DNAAF5: variants seen among roughly 807,000 people sequenced by gnomAD.
DNAAF5 encodes HEAT repeat containing 2.
DNAAF5 carries 64 observed loss-of-function variants against 75.8 expected under a neutral mutation model. The observed-to-expected ratio is 0.84, with a 90% CI of 0.69 to 1.04. The LOEUF is 1.04. Among genes scored for constraint, DNAAF5 ranks in the 50% least tolerant of loss-of-function variants. The pLI, the probability that DNAAF5 is intolerant of heterozygous loss-of-function variation, is 0.00. For missense variants in DNAAF5, 1,269 were observed against 1,178.5 expected, an observed-to-expected ratio of 1.08 and a Z score of -1.12; for synonymous variants, 657 against 557.2, an observed-to-expected ratio of 1.18 and a Z score of -2.52.
At chr7:764,828 T>A (rs1782771567) in intron 8 of DNAAF5, among the ~76,000 whole-genome samples, 1 of 152,156 alleles carries the variant, frequency 6.6e-6, no homozygotes, top group African/African-American at 2.4e-5. Context: ...CCCAGCACTT[T>A]GGGAGGCTGA....
In DNAAF5 at chr7:785,769, T is replaced by G; in HGVS notation, c.*116T>G. 2 of 1,243,094 alleles carry G rather than the reference T, an allele frequency of 1.6e-6. No individual in the cohort carries two copies. Among genetic ancestry groups the G allele is most frequent in the South Asian group, 2.9e-5 (2 of 69,060 alleles). The allele number at this position is 1,243,094 out of a possible 1,614,324, so 77.0% of individuals were successfully genotyped here. On this transcript the variant is annotated 3_prime_UTR_variant, in exon 13 of 13. Coordinates refer to ENST00000297440, the MANE Select transcript of DNAAF5 (RefSeq NM_017802.4). ...AGCAGTGAGACTGTGACAGCAAGAA[T>G]GTACTCCTCAGGACACCTGCCCACT...
At chr7:779,847 C>A in intron 11 of DNAAF5, 106 bp from the exon 12 acceptor site, 1 of 965,674 alleles carries the variant, frequency 1.0e-6, no homozygotes, top group Non-Finnish European at 1.5e-6. Context: ...TTCTTAGGAC[C>A]CCAGGGCAGG....
At chr7:783,558 C>A (rs1318915519) in intron 12 of DNAAF5, among the ~76,000 whole-genome samples, 5 of 152,198 alleles carry the variant, frequency 3.3e-5, no homozygotes, top group Admixed American at 1.3e-4. Flanking sequence ...AGTGAGGGAG[C>A]CCCAGAGCCC....
intron 4 of DNAAF5, among the ~76,000 whole-genome samples, chr7:748,329 A>G: frequency 6.6e-6 from 1 of 152,086 alleles, no homozygotes; most frequent in Non-Finnish European, 1.5e-5. Flanking sequence ...GCTAGTGTGC[A>G]GTGGTGGCCC....
chr7:736,827 G>A (rs561493392), intron 2 of DNAAF5, among the ~76,000 whole-genome samples: 15 of 147,986 alleles, frequency 1.0e-4, no homozygotes, highest in African/African-American at 3.5e-4. Flanking sequence ...TTTCTCTGGC[G>A]GTATGTTTTA....
At chr7:769,220 CT>C in intron 8 of DNAAF5, 1 of 767,338 alleles carries the variant, frequency 1.3e-6, no homozygotes, top group South Asian at 1.4e-5. Context: ...CTCACAGTTG[CT>C]TGGATAAGCC....
chr7:756,689 C>A, intron 5 of DNAAF5, 93 bp from the exon 6 acceptor site: 2 of 1,126,640 alleles, frequency 1.8e-6, no homozygotes, highest in East Asian at 2.4e-5. Context: ...GTCTGGTGCA[C>A]GGCTGTGTCT....
chr7:774,205 G>T lies in DNAAF5; in HGVS notation c.2082+7G>T. ...GGTCCTGTCGGCAGAGCAGGTACGG[G>T]GCTCCCTGCGTGCTCGGTGGACACC... On this transcript the variant is annotated splice_region_variant and intron_variant, in intron 10 of 12. Transcript: ENST00000297440. The T allele has an allele frequency of 6.2e-7, 1 of 1,600,232 alleles. No individual in the cohort carries two copies. Among genetic ancestry groups the T allele is most frequent in the Non-Finnish European group, 8.5e-7 (1 of 1,176,474 alleles).
chr7:769,459 GGCGCCCAAGCCTC>G (rs1778479348), intron 8 of DNAAF5, among the ~76,000 whole-genome samples: 1 of 152,134 alleles, frequency 6.6e-6, no homozygotes, highest in South Asian at 2.1e-4. Flanking sequence ...GCACAGTGCA[GGCGCCCAAGCCTC>G]GCGCCCACCG....
At chr7:770,687 C>T (rs975430632) in intron 9 of DNAAF5, 69 bp downstream of exon 9, 2 of 1,480,210 alleles carry the variant, frequency 1.4e-6, no homozygotes, top group Non-Finnish European at 9.3e-7. Context: ...ATCTCCCTCC[C>T]CAACAGCTCA....
At chr7:729,598 G>A in intron 1 of DNAAF5, 65 bp from the exon 2 acceptor site, 1 of 1,507,860 alleles carries the variant, frequency 6.6e-7, no homozygotes, top group South Asian at 1.2e-5. Context: ...TCCTCTGGAA[G>A]CCCACAGAGC....
intron 9 of DNAAF5, chr7:771,109 T>C (rs955478601): frequency 2.0e-5 from 3 of 152,584 alleles, no homozygotes; most frequent in African/African-American, 7.2e-5. Context: ...TTAAAAGCCT[T>C]TGGGCACTTT....
chr7:755,806 A>G (rs1460714621), intron 5 of DNAAF5, among the ~76,000 whole-genome samples: 1 of 152,220 alleles, frequency 6.6e-6, no homozygotes, highest in Non-Finnish European at 1.5e-5. Context: ...TTTACATGTC[A>G]TGTTTCTGCT....
rs1281373797 is a variant in DNAAF5, at chr7:727,071, G to A, written c.351G>A (p.Leu117=). 16 of 1,046,846 alleles carry A rather than the reference G, an allele frequency of 1.5e-5. No homozygotes were observed. The highest frequency in any genetic ancestry group is 1.7e-5 in the Non-Finnish European group (15 of 872,448). 64.8% of individuals were successfully genotyped at this position (1,046,846 alleles called of 1,614,324 possible). A position where few individuals can be genotyped will look rare whatever the true frequency, so the allele number is the denominator to read the frequency against. Reference sequence around the variant, plus strand: ...GGCCCCGCGATGCCCTGCCGCGCCTGCTGCCCGCGCTCGCCGCGCGCTTGG... The same window carrying A: ...GGCCCCGCGATGCCCTGCCGCGCCTACTGCCCGCGCTCGCCGCGCGCTTGG... ...AARPRDALPR[L]LPALAARLAG... is the part of the protein sequence containing the mutation. The change falls in exon 1 of 13, where the codon CTG becomes CTA. Residue 117 remains leucine (L), a synonymous_variant. Coordinates refer to ENST00000297440, the MANE Select transcript of DNAAF5 (RefSeq NM_017802.4).
At chr7:755,623 C>T (rs1189988572) in intron 5 of DNAAF5, among the ~76,000 whole-genome samples, 5 of 152,070 alleles carry the variant, frequency 3.3e-5, no homozygotes, top group African/African-American at 7.2e-5. Context: ...TTCCAGCTCC[C>T]GGGAGGCTGA....
intron 10 of DNAAF5, 67 bp downstream of exon 10, chr7:774,265 A>G (rs1219551732): frequency 1.0e-5 from 15 of 1,475,074 alleles, no homozygotes; most frequent in Non-Finnish European, 1.4e-5. Context: ...GGCGCCCGGC[A>G]GAGCTCCCGC....
chr7:731,670 A>T (rs1453547382), intron 2 of DNAAF5, among the ~76,000 whole-genome samples: 4 of 151,650 alleles, frequency 2.6e-5, no homozygotes, highest in Non-Finnish European at 5.9e-5. Flanking sequence ...ATGTTACGAG[A>T]TTGTTTTTGT....
Position 729,853 on chromosome 7 carries a change from T to A in DNAAF5, c.780+6T>A, listed in dbSNP as rs903588155. 1.2e-5 allele frequency: 20 copies of A among 1,613,886 alleles called. No individual in the cohort carries two copies. The Admixed American group carries it at 2.2e-4, about 17-fold the overall frequency. ...TGTTTGATGACGTCCCGCAGGTAACTGGTGTTTCTCCTGGACAGTCTGTTC... is the reference window on the plus strand; with the variant it reads ...TGTTTGATGACGTCCCGCAGGTAACAGGTGTTTCTCCTGGACAGTCTGTTC... On this transcript the variant is annotated splice_donor_region_variant and intron_variant, in intron 2 of 12. Coordinates refer to ENST00000297440, the MANE Select transcript of DNAAF5 (RefSeq NM_017802.4).
intron 7 of DNAAF5, among the ~76,000 whole-genome samples, chr7:762,724 C>T (rs1210669788): frequency 6.6e-6 from 1 of 151,994 alleles, no homozygotes; most frequent in Non-Finnish European, 1.5e-5. Flanking sequence ...AGTGATTCTC[C>T]TGCCTCAGCC....
Sources: allele counts gnomAD v4.1 joint callset (sites outside exome capture counted in the v4.1 genomes callset), GRCh38; gene constraint gnomAD v4.1.1; transcripts MANE v1.5; gene names NCBI Gene and HGNC (gene_info 2026-07-23, HGNC 2026-07-21).